BAIAP2L1: variants seen among roughly 807,000 people sequenced by gnomAD.
BAIAP2L1 encodes BAR/IMD domain containing adaptor protein 2 like 1.
A neutral mutation model predicts 66.3 loss-of-function variants in BAIAP2L1; 35 were observed. That is an observed-to-expected ratio of 0.53 (90% CI 0.40 to 0.70). The LOEUF is 0.70. Among genes scored for constraint, BAIAP2L1 ranks in the 30% least tolerant of loss-of-function variants. The pLI is 0.00. For missense variants in BAIAP2L1, 622 were observed against 656.9 expected, an observed-to-expected ratio of 0.95 and a Z score of 0.58; for synonymous variants, 269 against 248.7, an observed-to-expected ratio of 1.08 and a Z score of -0.77.
At chr7:98,369,166 C>T (rs193102826) in intron 1 of BAIAP2L1, among the ~76,000 whole-genome samples, 32 of 151,032 alleles carry the variant, frequency 2.1e-4, no homozygotes, top group Non-Finnish European at 2.9e-5. Context: ...AATTAAAAGA[C>T]AAAACTATTT....
Position 98,367,152 on chromosome 7 carries a change from T to C in BAIAP2L1, c.52-4720A>G, listed in dbSNP as rs983677327. On this transcript the variant is annotated intron_variant, in intron 1 of 13. Transcript: ENST00000005260. ...TTCTGTCATCTCTTCTCAATTCTTT[T>C]GTTTTGGAGCTTCTTTGAAATAGTT... 2.0e-5 allele frequency among the ~76,000 whole-genome samples: 3 copies of C among 152,074 alleles called. No homozygotes were observed. The East Asian group carries it at 5.8e-4, about 29-fold the overall frequency.
At chr7:98,320,627 G>A (rs963899717) in intron 3 of BAIAP2L1, among the ~76,000 whole-genome samples, 5 of 151,682 alleles carry the variant, frequency 3.3e-5, no homozygotes, top group South Asian at 2.1e-4. Context: ...GAGCCGCCGC[G>A]CCAGGCCCAT....
At chr7:98,367,785 G>A (rs762544489) in intron 1 of BAIAP2L1, among the ~76,000 whole-genome samples, 7 of 151,882 alleles carry the variant, frequency 4.6e-5, no homozygotes, top group Non-Finnish European at 8.8e-5. Context: ...ACTGCGGCCA[G>A]CCCAATTTTT....
intron 1 of BAIAP2L1, among the ~76,000 whole-genome samples, chr7:98,392,302 G>A (rs1803065503): frequency 6.6e-6 from 1 of 152,024 alleles, no homozygotes; most frequent in Non-Finnish European, 1.5e-5. Flanking sequence ...CTGAGATCGC[G>A]CCATTTCACT....
At chr7:98,310,321 A>G (rs1042380043) in intron 9 of BAIAP2L1, 124 bp downstream of exon 9, 14 of 1,081,770 alleles carry the variant, frequency 1.3e-5, no homozygotes, top group Non-Finnish European at 1.8e-5. Flanking sequence ...GGCTGAATGT[A>G]TCTACCATAC....
At chr7:98,357,232 A>AT (rs1019954596) in intron 2 of BAIAP2L1, among the ~76,000 whole-genome samples, 3 of 148,790 alleles carry the variant, frequency 2.0e-5, no homozygotes, top group East Asian at 2.0e-4. Flanking sequence ...ACAGTAGTAT[A>AT]TTTTTTCTGG....
At chr7:98,338,950 A>G (rs1476711238) in intron 3 of BAIAP2L1, among the ~76,000 whole-genome samples, 1 of 151,866 alleles carries the variant, frequency 6.6e-6, no homozygotes, top group Non-Finnish European at 1.5e-5. Context: ...GCGCATGCCT[A>G]TAATTCCAGC....
chr7:98,386,011 A>G, intron 1 of BAIAP2L1: 3 of 1,395,268 alleles, frequency 2.2e-6, no homozygotes, highest in Non-Finnish European at 3.0e-6. Flanking sequence ...GTCTTTTCCA[A>G]TGCTGTCTGG....
rs59633894 is a variant in BAIAP2L1, at chr7:98,305,047, G to GTTTTTTTTT, written c.1242-680_1242-672dup. On this transcript the variant is annotated intron_variant, in intron 11 of 13. Transcript: ENST00000005260. ...CGCCCAGCTAATTTTTTTGTTTTTT[G>GTTTTTTTTT]TTTTTTTTTTTTTTTTTTTTTTTAG... 4.8e-3 allele frequency among the ~76,000 whole-genome samples: 478 copies of GTTTTTTTTT among 100,226 alleles called. 2 individuals are homozygous for GTTTTTTTTT. Among genetic ancestry groups the GTTTTTTTTT allele is most frequent in the East Asian group, 0.014 (39 of 2,800 alleles). 65.8% of individuals were successfully genotyped at this position (100,226 alleles called of 152,430 possible). A position where few individuals can be genotyped will look rare whatever the true frequency, so the allele number is the denominator to read the frequency against.
chr7:98,394,318 T>C (rs2115857919), intron 1 of BAIAP2L1, among the ~76,000 whole-genome samples: 1 of 152,232 alleles, frequency 6.6e-6, no homozygotes, highest in East Asian at 1.9e-4. Flanking sequence ...TTATGATAGT[T>C]TTAGAGTCTA....
At chr7:98,308,219 G>A (rs1391357112) in intron 9 of BAIAP2L1, 1 of 526,008 alleles carries the variant, frequency 1.9e-6, no homozygotes, top group South Asian at 1.5e-5. Flanking sequence ...GCTCTTCTTA[G>A]AGAGACAAAC....
chr7:98,312,726 T>A (rs187029981), intron 7 of BAIAP2L1, among the ~76,000 whole-genome samples: 1 of 146,434 alleles, frequency 6.8e-6, no homozygotes, highest in Admixed American at 7.0e-5. Context: ...AATCAGACAC[T>A]GTCCTGAGAG....
At chr7:98,312,394 A>C (rs1800906559) in intron 7 of BAIAP2L1, 130 bp from the exon 8 acceptor site, 3 of 972,448 alleles carry the variant, frequency 3.1e-6, no homozygotes, top group Non-Finnish European at 4.5e-6. Context: ...CCTGGGTTAA[A>C]CTCGGTGAGC....
chr7:98,300,749 G>A (rs548692225), intron 12 of BAIAP2L1, among the ~76,000 whole-genome samples: 4 of 152,184 alleles, frequency 2.6e-5, no homozygotes, highest in East Asian at 3.9e-4. Context: ...ACAGGCTGGC[G>A]GCACCACTCC....
chr7:98,317,310 G>T lies in BAIAP2L1; in HGVS notation c.395C>A (p.Ser132Tyr), dbSNP rs1472506588. Residue 132 changes from serine (S) to tyrosine (Y), a missense_variant, in exon 6 of 14, where the codon TCT (serine) becomes TAT (tyrosine). Transcript: ENST00000005260. ...CAACTCAGCTTGGGATTTCTCCAAA[G>T]ACTCTAATTTATTCTTGTGTTCTGT... is the stretch of plus-strand genomic sequence containing the variant. ...YQTEHKNKLE[S>Y]LEKSQAELKK... is the part of the protein sequence containing the mutation. 1 of 1,614,184 alleles carries T rather than the reference G, an allele frequency of 6.2e-7. No homozygotes were observed. The highest frequency in any genetic ancestry group is 2.2e-5 in the East Asian group (1 of 44,888).
Position 98,305,729 on chromosome 7 carries a change from C to A in BAIAP2L1, c.1241+710G>T, listed in dbSNP as rs146091296. Reference sequence around the variant, plus strand: ...CAAGCCACCGTGCCCGGCCAGTTTCCTCATTTTTTAAAGTGGGGGCCCACC... The same window carrying A: ...CAAGCCACCGTGCCCGGCCAGTTTCATCATTTTTTAAAGTGGGGGCCCACC... On this transcript the variant is annotated intron_variant, in intron 11 of 13. Transcript: ENST00000005260. 6.6e-4 allele frequency among the ~76,000 whole-genome samples: 101 copies of A among 152,292 alleles called. No homozygotes were observed. The East Asian group carries it at 0.019, about 28-fold the overall frequency.
chr7:98,319,074 C>T (rs1463514132), intron 5 of BAIAP2L1, among the ~76,000 whole-genome samples: 3 of 152,100 alleles, frequency 2.0e-5, no homozygotes, highest in South Asian at 2.1e-4. Context: ...GGCCTCCTGC[C>T]GGGAGGGTGC....
intron 3 of BAIAP2L1, among the ~76,000 whole-genome samples, chr7:98,320,990 G>T (rs1430446009): frequency 6.6e-6 from 1 of 152,128 alleles, no homozygotes; most frequent in African/African-American, 2.4e-5. Context: ...CCGAGTAGCT[G>T]GGACTACAGG....
At position 98,355,082 on chromosome 7, in the gene BAIAP2L1, G is replaced by C. The variant is rs139302290; in HGVS notation, c.174C>G (p.Ile58Met). The part of the protein sequence containing the change: ...GKAYYDGVAK[I>M]GEIATGSPVS... ...CGGGGGACCCAGTGGCAATCTCACC[G>C]ATCTTGGCCACTCCATCGTAGTAGG... Residue 58 changes from isoleucine (I) to methionine (M), a missense_variant, in exon 3 of 14, where the codon ATC becomes ATG. Transcript: ENST00000005260. 2 of 1,614,008 alleles carry C rather than the reference G, an allele frequency of 1.2e-6. No homozygotes were observed. The highest frequency in any genetic ancestry group is 8.5e-7 in the Non-Finnish European group (1 of 1,179,920).
Sources: allele counts gnomAD v4.1 joint callset (sites outside exome capture counted in the v4.1 genomes callset), GRCh38; gene constraint gnomAD v4.1.1; transcripts MANE v1.5; gene names NCBI Gene and HGNC (gene_info 2026-07-23, HGNC 2026-07-21).